Variants in ADAM22 observed in about 807,000 individuals in gnomAD.
ADAM22 encodes ADAM metallopeptidase domain 22.
ADAM22 carries 65 observed loss-of-function variants against 144.6 expected under a neutral mutation model. The observed-to-expected ratio is 0.45, with a 90% confidence interval of 0.37 to 0.55. ADAM22 has a LOEUF of 0.55. ADAM22 is among the 20% of genes least tolerant of loss of function. The pLI, the probability that ADAM22 is intolerant of heterozygous loss-of-function variation, is 0.00. For missense variants in ADAM22, 974 were observed against 1,184.9 expected, an observed-to-expected ratio of 0.82 and a Z score of 2.61; for synonymous variants, 391 against 412.6, an observed-to-expected ratio of 0.95 and a Z score of 0.63.
At chr7:88,070,176 A>G (rs1403403958) in intron 3 of ADAM22, among the ~76,000 whole-genome samples, 7 of 152,108 alleles carry the variant, frequency 4.6e-5, no homozygotes, top group African/African-American at 1.4e-4. Flanking sequence ...ACCCCATTAG[A>G]CAAATCCACA....
At chr7:88,027,328 T>C (rs1439216168) in intron 3 of ADAM22, among the ~76,000 whole-genome samples, 1 of 152,228 alleles carries the variant, frequency 6.6e-6, no homozygotes, top group African/African-American at 2.4e-5. Context: ...TTTAGATGTT[T>C]AGTAAAATTC....
chr7:88,165,901 C>T lies in ADAM22; in HGVS notation c.2146C>T (p.Pro716Ser). Reference protein sequence around the residue: ...WIGSDCNTYFPHNDDAKTGIT... With the variant: ...WIGSDCNTYFSHNDDAKTGIT... ...AGGTTCTGATTGCAACACTTACTTC[C>T]CTCACAATGATGATGCAAAGACTGG... The change falls in exon 24 of 32, where the codon CCT (proline) becomes TCT (serine). Residue 716 changes from proline to serine, a missense_variant. Coordinates refer to ENST00000413139, the MANE Select transcript of ADAM22 (RefSeq NM_001324418.2). 1.2e-6 allele frequency: 2 copies of T among 1,611,594 alleles called. No homozygotes were observed. Among genetic ancestry groups the T allele is most frequent in the Non-Finnish European group, 8.5e-7 (1 of 1,178,808 alleles).
intron 2 of ADAM22, among the ~76,000 whole-genome samples, chr7:87,952,934 G>A (rs916192690): frequency 3.3e-5 from 5 of 152,130 alleles, no homozygotes; most frequent in African/African-American, 1.2e-4. Context: ...TTGTGTAGAG[G>A]TGTTTGTAGT....
At chr7:88,088,393 C>A (rs1234787563) in intron 4 of ADAM22, among the ~76,000 whole-genome samples, 4 of 151,926 alleles carry the variant, frequency 2.6e-5, no homozygotes, top group Non-Finnish European at 5.9e-5. Flanking sequence ...TCTCTAGATT[C>A]CTTTTGTGCT....
At chr7:88,125,401 A>G (rs1334839148) in intron 7 of ADAM22, among the ~76,000 whole-genome samples, 188 bp from the exon 8 acceptor site, 1 of 152,012 alleles carries the variant, frequency 6.6e-6, no homozygotes, top group Non-Finnish European at 1.5e-5. Flanking sequence ...AGATTTTGCA[A>G]ATTATATTCA....
intron 4 of ADAM22, among the ~76,000 whole-genome samples, chr7:88,084,311 T>C (rs1250528062): frequency 6.6e-6 from 1 of 152,218 alleles, no homozygotes; most frequent in African/African-American, 2.4e-5. Context: ...ATTTGCAGTT[T>C]CTTTGTTGAT....
chr7:88,039,285 T>C (rs1802365004), intron 3 of ADAM22, among the ~76,000 whole-genome samples: 1 of 149,962 alleles, frequency 6.7e-6, no homozygotes, highest in African/African-American at 2.4e-5. Flanking sequence ...CTACTAAAAA[T>C]ACAAAAAATT....
intron 5 of ADAM22, 43 bp from the exon 6 acceptor site, chr7:88,114,541 G>A: frequency 6.3e-7 from 1 of 1,579,800 alleles, no homozygotes; most frequent in Middle Eastern, 1.7e-4. Context: ...GTTCTGGGAT[G>A]AGAGTCGATG....
chr7:88,118,203 A>C (rs186461311), intron 7 of ADAM22, among the ~76,000 whole-genome samples: 1 of 151,384 alleles, frequency 6.6e-6, no homozygotes, highest in Admixed American at 6.6e-5. Context: ...TAATGCTTAG[A>C]TAATCACTTA....
intron 30 of ADAM22, among the ~76,000 whole-genome samples, chr7:88,191,890 G>A (rs559051506): frequency 6.6e-6 from 1 of 152,308 alleles, no homozygotes; most frequent in African/African-American, 2.4e-5. Context: ...ATCTTAGGGT[G>A]TGTGGGAAAA....
chr7:88,145,259 A>C, intron 16 of ADAM22, 63 bp downstream of exon 16: 1 of 1,566,852 alleles, frequency 6.4e-7, no homozygotes, highest in Non-Finnish European at 8.8e-7. Flanking sequence ...AGGTCCACAC[A>C]CTGAGATGTA....
chr7:88,005,465 C>A (rs965809303), intron 3 of ADAM22, among the ~76,000 whole-genome samples: 2 of 152,144 alleles, frequency 1.3e-5, no homozygotes, highest in Admixed American at 1.3e-4. Flanking sequence ...ACAATTTTAG[C>A]TTTAAGGCAG....
intron 4 of ADAM22, among the ~76,000 whole-genome samples, chr7:88,095,333 C>T (rs962523121): frequency 2.0e-5 from 3 of 151,996 alleles, no homozygotes; most frequent in Non-Finnish European, 4.4e-5. Flanking sequence ...TCATAGAAGA[C>T]AATAAGTATC....
chr7:87,982,550 A>G (rs926713645), intron 3 of ADAM22, among the ~76,000 whole-genome samples: 14 of 150,936 alleles, frequency 9.3e-5, no homozygotes, highest in African/African-American at 3.4e-4. Context: ...TGTAGGCAAC[A>G]GAAAGACTTT....
At chr7:87,935,314 C>A in intron 2 of ADAM22, 128 bp downstream of exon 2, 1 of 1,059,312 alleles carries the variant, frequency 9.4e-7, no homozygotes, top group Non-Finnish European at 1.3e-6. Flanking sequence ...CGATGCGAGT[C>A]ATGCATGGCG....
At chr7:88,178,654 A>T (rs1184094675) in intron 26 of ADAM22, among the ~76,000 whole-genome samples, 1 of 152,146 alleles carries the variant, frequency 6.6e-6, no homozygotes, top group Non-Finnish European at 1.5e-5. Flanking sequence ...ATTTTCAAGT[A>T]TAATGAAGTT....
intron 3 of ADAM22, among the ~76,000 whole-genome samples, chr7:88,038,782 CTTCT>C (rs1364291547): frequency 6.7e-6 from 1 of 149,230 alleles, no homozygotes; most frequent in African/African-American, 2.5e-5. Flanking sequence ...TCTTCTTCTT[CTTCT>C]TTTTTTTTTT....
chr7:87,953,651 A>G (rs987135222), intron 2 of ADAM22, among the ~76,000 whole-genome samples: 2 of 152,110 alleles, frequency 1.3e-5, no homozygotes, highest in African/African-American at 2.4e-5. Flanking sequence ...GTAGCTGTCT[A>G]TTAGGTCCGC....
intron 23 of ADAM22, 61 bp downstream of exon 23, chr7:88,163,241 C>A: frequency 7.4e-7 from 1 of 1,347,248 alleles, no homozygotes; most frequent in Non-Finnish European, 9.8e-7. Context: ...AGACAGGACC[C>A]TAAACTATTT....
Sources: allele counts gnomAD v4.1 joint callset (sites outside exome capture counted in the v4.1 genomes callset), GRCh38; gene constraint gnomAD v4.1.1; transcripts MANE v1.5; gene names NCBI Gene and HGNC (gene_info 2026-07-23, HGNC 2026-07-21).